BICC1: variants seen among roughly 807,000 people sequenced by gnomAD.
BICC1 encodes the protein protein bicaudal C homolog 1.
BICC1 carries 43 observed loss-of-function variants against 111.0 expected under a neutral mutation model. That is an observed-to-expected ratio of 0.39 (90% CI 0.30 to 0.50). The LOEUF is 0.50. Among genes scored for constraint, BICC1 ranks in the 20% least tolerant of loss-of-function variants. The probability of loss-of-function intolerance (pLI) is 0.88; values close to 1 mark genes in which losing one functional copy is unlikely to be tolerated. For synonymous variants in BICC1, 467 were observed against 434.4 expected (o/e 1.07, Z -0.93); for missense variants, 1,091 against 1,203.2 (o/e 0.91, Z 1.38).
At chr10:58,671,567 C>T (rs913914985) in intron 2 of BICC1, among the ~76,000 whole-genome samples, 3 of 152,068 alleles carry the variant, frequency 2.0e-5, no homozygotes, top group Admixed American at 1.3e-4. Flanking sequence ...ACTTAAGTGT[C>T]CATGTGTCCA....
intron 2 of BICC1, among the ~76,000 whole-genome samples, chr10:58,690,911 G>A (rs1367823752): frequency 6.6e-6 from 1 of 152,126 alleles, no homozygotes; most frequent in Non-Finnish European, 1.5e-5. Context: ...TCAAGGTTTG[G>A]TAGCTTGATA....
intron 1 of BICC1, among the ~76,000 whole-genome samples, chr10:58,558,556 G>C (rs1004459496): frequency 1.3e-5 from 2 of 152,006 alleles, no homozygotes; most frequent in East Asian, 3.9e-4. Context: ...CCATTTTTGA[G>C]TTGTTTTCAA....
chr10:58,786,889 A>C, intron 4 of BICC1, 34 bp from the exon 5 acceptor site: 1 of 1,484,852 alleles, frequency 6.7e-7, no homozygotes, highest in East Asian at 2.5e-5. Context: ...TTCCTTTTGC[A>C]TACATCAAGT....
intron 3 of BICC1, among the ~76,000 whole-genome samples, chr10:58,751,678 C>A (rs1841995223): frequency 6.6e-6 from 1 of 152,070 alleles, no homozygotes; most frequent in Non-Finnish European, 1.5e-5. Flanking sequence ...TTTCTTACTG[C>A]TAGTCAAAAT....
rs775911460 is a variant in BICC1, at chr10:58,753,605, G to C, written c.308-31396G>C. Among the ~76,000 whole-genome samples, 5 of 151,942 alleles carry C rather than the reference G, an allele frequency of 3.3e-5. No individual in the cohort carries two copies. In the South Asian group the frequency reaches 8.3e-4, roughly 25 times the overall value. On this transcript the variant is annotated intron_variant, in intron 3 of 20. Coordinates refer to ENST00000373886, the MANE Select transcript of BICC1 (RefSeq NM_001080512.3). The stretch of plus-strand genomic sequence containing the variant: ...CTAGATAATCTGTCCTTTCTCACAG[G>C]CTTATGATGCCACTTCTCTGCATCG...
chr10:58,606,027 T>C (rs1166500580), intron 1 of BICC1, among the ~76,000 whole-genome samples: 1 of 152,192 alleles, frequency 6.6e-6, no homozygotes, highest in Non-Finnish European at 1.5e-5. Context: ...ATTTTCCACA[T>C]GGTTAAGATT....
intron 2 of BICC1, among the ~76,000 whole-genome samples, chr10:58,693,792 T>G (rs962951952): frequency 2.0e-5 from 3 of 152,200 alleles, no homozygotes; most frequent in African/African-American, 2.4e-5. Flanking sequence ...TTGCAAAAAT[T>G]TTCTCCCATT....
At chr10:58,636,379 T>C (rs545843737) in intron 2 of BICC1, among the ~76,000 whole-genome samples, 1 of 152,268 alleles carries the variant, frequency 6.6e-6, no homozygotes, top group East Asian at 1.9e-4. Flanking sequence ...GAAAACACAG[T>C]AAATTAAATA....
intron 3 of BICC1, among the ~76,000 whole-genome samples, chr10:58,723,348 A>G (rs1840997985): frequency 6.6e-6 from 1 of 152,214 alleles, no homozygotes; most frequent in Non-Finnish European, 1.5e-5. Flanking sequence ...ACTCGAAGAC[A>G]CTGGGGAGTG....
At chr10:58,622,134 A>G (rs1845838549) in intron 2 of BICC1, among the ~76,000 whole-genome samples, 1 of 151,928 alleles carries the variant, frequency 6.6e-6, no homozygotes, top group Non-Finnish European at 1.5e-5. Context: ...GTGAGCCATG[A>G]TCGTGCCACT....
At chr10:58,595,559 A>G (rs890708011) in intron 1 of BICC1, among the ~76,000 whole-genome samples, 1 of 152,186 alleles carries the variant, frequency 6.6e-6, no homozygotes, top group East Asian at 1.9e-4. Context: ...GGATTAAAAA[A>G]CTCACTCAAA....
In BICC1 at chr10:58,666,058, T is replaced by G. The variant is rs1009874114; in HGVS notation, c.238-36016T>G. 2.0e-5 allele frequency among the ~76,000 whole-genome samples: 3 copies of G among 152,144 alleles called. No individual in the cohort carries two copies. In the East Asian group the frequency reaches 5.8e-4, roughly 29 times the overall value. On this transcript the variant is annotated intron_variant, in intron 2 of 20. Coordinates refer to ENST00000373886, the MANE Select transcript of BICC1 (RefSeq NM_001080512.3). ...AATAAAAACTTCAGCCAAATTAAAT[T>G]TAAAGGAGCTTAATTGAGCAATGAA...
intron 3 of BICC1, among the ~76,000 whole-genome samples, chr10:58,714,751 A>G (rs1266394005): frequency 6.6e-6 from 1 of 152,108 alleles, no homozygotes; most frequent in Non-Finnish European, 1.5e-5. Flanking sequence ...CAGTCATGGC[A>G]TGGCTGGACA....
At chr10:58,583,724 A>G (rs1844351932) in intron 1 of BICC1, among the ~76,000 whole-genome samples, 1 of 152,122 alleles carries the variant, frequency 6.6e-6, no homozygotes, top group Non-Finnish European at 1.5e-5. Flanking sequence ...GTGCTGTTAT[A>G]AACATGTGTG....
chr10:58,677,369 C>T (rs1839377936), intron 2 of BICC1, among the ~76,000 whole-genome samples: 1 of 152,192 alleles, frequency 6.6e-6, no homozygotes, highest in Non-Finnish European at 1.5e-5. Context: ...TGACCTGATG[C>T]AGCTGAAGAA....
At chr10:58,527,385 G>A (rs1365200023) in intron 1 of BICC1, among the ~76,000 whole-genome samples, 1 of 152,140 alleles carries the variant, frequency 6.6e-6, no homozygotes, top group East Asian at 1.9e-4. Flanking sequence ...TGTTCACTCT[G>A]ATGGTAGTTT....
At chr10:58,638,849 CTTTTCTTTTCTTTT>C in intron 2 of BICC1, among the ~76,000 whole-genome samples, 1 of 860 alleles carries the variant, frequency 1.2e-3, no homozygotes, top group Non-Finnish European at 4.2e-3. Context: ...TTTTTCTTTT[CTTTTCTTTTCTTTT>C]TTCTCTTCTC....
At chr10:58,751,299 A>C (rs1841985715) in intron 3 of BICC1, among the ~76,000 whole-genome samples, 1 of 152,190 alleles carries the variant, frequency 6.6e-6, no homozygotes, top group Non-Finnish European at 1.5e-5. Context: ...TAAATGGTAC[A>C]GTTGTTGAAA....
intron 1 of BICC1, among the ~76,000 whole-genome samples, chr10:58,606,460 C>A (rs1211262629): frequency 2.0e-5 from 3 of 151,544 alleles, no homozygotes; most frequent in Non-Finnish European, 4.4e-5. Context: ...ATACCTAGGG[C>A]TAGATGACGA....
Sources: gnomAD v4.1 joint callset for allele counts (sites outside exome capture counted in the v4.1 genomes callset) on GRCh38, gnomAD v4.1.1 for gene constraint, MANE v1.5 for transcripts, NCBI Gene and HGNC (gene_info 2026-07-23, HGNC 2026-07-21) for gene names.